ARID3A: variants seen among roughly 807,000 people sequenced by gnomAD.
ARID3A encodes AT-rich interaction domain 3A.
Under a neutral mutation model 52.7 loss-of-function variants are expected in ARID3A, and 11 were observed. That is an observed-to-expected ratio of 0.21 (90% CI 0.13 to 0.35). ARID3A has a LOEUF of 0.35. Among genes scored for constraint, ARID3A ranks in the 10% least tolerant of loss-of-function variants. The pLI is 1.00. For synonymous variants in ARID3A, 404 were observed against 359.4 expected, an observed-to-expected ratio of 1.12 and a Z score of -1.40; for missense variants, 721 against 838.5, an observed-to-expected ratio of 0.86 and a Z score of 1.73.
At chr19:931,584 G>A (rs963623882) in intron 2 of ARID3A, among the ~76,000 whole-genome samples, 3 of 152,210 alleles carry the variant, frequency 2.0e-5, no homozygotes, top group Admixed American at 6.5e-5. Flanking sequence ...AGGCCGAGGT[G>A]GGCGGATCAC....
At chr19:935,981 A>G (rs34530434) in intron 3 of ARID3A, among the ~76,000 whole-genome samples, 14,557 of 149,654 alleles carry the variant, frequency 0.097, 801 homozygotes, top group African/African-American at 0.15. Context: ...TAGTAGAGAC[A>G]AGGTTTCACC....
At chr19:939,485 G>T (rs943803619) in intron 3 of ARID3A, among the ~76,000 whole-genome samples, 2 of 152,104 alleles carry the variant, frequency 1.3e-5, no homozygotes, top group Non-Finnish European at 1.5e-5. Flanking sequence ...AAAATGGAAC[G>T]TTTACAGGGA....
Position 941,737 on chromosome 19 carries a change from C to G in ARID3A, c.693+8995C>G, listed in dbSNP as rs2037558977. ...AAAGTGCTGGGATTACAGGCGTGAG[C>G]TGCTGTGCCGGACTGGTCTCTTGTG... On this transcript the variant is annotated intron_variant, in intron 3 of 8. Coordinates refer to ENST00000263620, the MANE Select transcript of ARID3A (RefSeq NM_005224.3). This position sits in a 1 kb window ranked among gnomAD's most constrained non-coding sequence, Gnocchi z 6.9. 6.6e-6 allele frequency among the ~76,000 whole-genome samples: 1 copy of G among 152,020 alleles called. No homozygotes were observed. The highest frequency in any genetic ancestry group is 1.5e-5 in the Non-Finnish European group (1 of 68,012).
Position 966,597 on chromosome 19 carries a change from A to C in ARID3A, c.1224A>C (p.Thr408=). 6.4e-7 allele frequency: 1 copy of C among 1,571,656 alleles called. No homozygotes were observed. The highest frequency in any genetic ancestry group is 1.8e-5 in the Admixed American group (1 of 55,440). The change falls in exon 7 of 9, where the codon ACA becomes ACC. Residue 408 remains threonine (T), a synonymous_variant. Coordinates refer to ENST00000263620, the MANE Select transcript of ARID3A (RefSeq NM_005224.3). Reference sequence around the variant, plus strand: ...AGGAGGACTCAGCCATCCCCATCACAGTCCCTGGCCGCCTGCCTGTGTCCC... The same window carrying C: ...AGGAGGACTCAGCCATCCCCATCACCGTCCCTGGCCGCCTGCCTGTGTCCC... ...KKEEDSAIPI[T]VPGRLPVSLA...
intron 3 of ARID3A, among the ~76,000 whole-genome samples, chr19:954,440 T>C (rs2037872405): frequency 6.6e-6 from 1 of 152,242 alleles, no homozygotes; most frequent in Non-Finnish European, 1.5e-5. Context: ...CCGCATTTTC[T>C]TGGCATCGCA....
At position 942,821 on chromosome 19, in the gene ARID3A, C is replaced by A. The variant is rs1015370354; in HGVS notation, c.693+10079C>A. 2.6e-5 allele frequency among the ~76,000 whole-genome samples: 4 copies of A among 152,208 alleles called. No homozygotes were observed. Among genetic ancestry groups the A allele is most frequent in the Non-Finnish European group, 1.5e-5 (1 of 68,036 alleles). ...GGAGAACGTGAGAGCAAGTAAGAACCCGCCTTCCGGGAGGAGCCCCGTCTG... is the reference window on the plus strand; with the variant it reads ...GGAGAACGTGAGAGCAAGTAAGAACACGCCTTCCGGGAGGAGCCCCGTCTG... On this transcript the variant is annotated intron_variant, in intron 3 of 8. Transcript: ENST00000263620. This position sits in a 1 kb window ranked among gnomAD's most constrained non-coding sequence, Gnocchi z 8.1.
At chr19:954,387 G>A (rs1599411274) in intron 3 of ARID3A, among the ~76,000 whole-genome samples, 1 of 152,246 alleles carries the variant, frequency 6.6e-6, no homozygotes, top group East Asian at 1.9e-4. Context: ...ACAGAGGGGA[G>A]GGGACCCCCT....
In ARID3A at chr19:932,761, C is replaced by A. The variant is rs560858374; in HGVS notation, c.693+19C>A. Reference sequence around the variant, plus strand: ...TAAGCAGGTGAGTGGGCGCGTCCCGCGTGGCGGCTGAGGCACCTGCTCCTG... The same window carrying A: ...TAAGCAGGTGAGTGGGCGCGTCCCGAGTGGCGGCTGAGGCACCTGCTCCTG... On this transcript the variant is annotated intron_variant, in intron 3 of 8. Transcript: ENST00000263620. 1.3e-6 allele frequency: 2 copies of A among 1,546,106 alleles called. No individual in the cohort carries two copies. Among genetic ancestry groups the A allele is most frequent in the African/African-American group, 2.7e-5 (2 of 72,740 alleles).
chr19:945,671 G>A (rs1411754305), intron 3 of ARID3A, among the ~76,000 whole-genome samples: 1 of 152,184 alleles, frequency 6.6e-6, no homozygotes, highest in African/African-American at 2.4e-5. Flanking sequence ...AGGGTGGGAG[G>A]TGGAAGCAGC....
chr19:937,551 G>A (rs2037461797), intron 3 of ARID3A, among the ~76,000 whole-genome samples: 1 of 152,030 alleles, frequency 6.6e-6, no homozygotes, highest in African/African-American at 2.4e-5. Context: ...TGTGTATCTG[G>A]GAGAATTGCT....
chr19:950,437 G>A (rs886386595), intron 3 of ARID3A, among the ~76,000 whole-genome samples: 16 of 152,148 alleles, frequency 1.1e-4, no homozygotes, highest in Admixed American at 1.0e-3. Flanking sequence ...GCCTGAGCCC[G>A]GGAAGGTGCT....
rs1321221856 is a variant in ARID3A at position 966,639 on chromosome 19, G to C, written c.1266G>C (p.Val422=). The change falls in exon 7 of 9, where the codon GTG becomes GTC. Residue 422 remains valine, a synonymous_variant. Coordinates refer to ENST00000263620, the MANE Select transcript of ARID3A (RefSeq NM_005224.3). ...CTGTGTCCCTGGCGGGCCACCCTGTGGTGGCAGCCCAGGCAGCAGCTGTGC... is the reference window on the plus strand; with the variant it reads ...CTGTGTCCCTGGCGGGCCACCCTGTCGTGGCAGCCCAGGCAGCAGCTGTGC... ...RLPVSLAGHP[V]VAAQAAAVQA... 2.5e-6 allele frequency: 4 copies of C among 1,603,216 alleles called. No individual in the cohort carries two copies. Among genetic ancestry groups the C allele is most frequent in the African/African-American group, 2.7e-5 (2 of 74,742 alleles).
In ARID3A at chr19:929,251, T is replaced by A; in HGVS notation, c.-267-11T>A. On this transcript the variant is annotated splice_polypyrimidine_tract_variant and intron_variant, in intron 1 of 8. Transcript: ENST00000263620. This position sits in a 1 kb window ranked among gnomAD's most constrained non-coding sequence, Gnocchi z 6.2. Reference sequence around the variant, plus strand: ...CAGGCCTGCTCTGACTGTGCCTTTTTTCCCCCTCAGGTTTCTGCAAATGCG... The same window carrying A: ...CAGGCCTGCTCTGACTGTGCCTTTTATCCCCCTCAGGTTTCTGCAAATGCG... 1 of 230,644 alleles carries A rather than the reference T, an allele frequency of 4.3e-6. No individual in the cohort carries two copies. Among genetic ancestry groups the A allele is most frequent in the East Asian group, 9.2e-5 (1 of 10,904 alleles). The allele number at this position is 230,644 out of a possible 1,614,324, so 14.3% of individuals were successfully genotyped here.
In ARID3A at chr19:928,256, C is replaced by T. The variant is rs2037242088; in HGVS notation, c.-267-1006C>T. 3.3e-5 allele frequency: 5 copies of T among 152,278 alleles called. No homozygotes were observed. In the South Asian group the frequency reaches 6.2e-4, roughly 19 times the overall value. The allele number at this position is 152,278 out of a possible 1,614,324, so 9.4% of individuals were successfully genotyped here. The stretch of plus-strand genomic sequence containing the variant: ...TTCCCTCTGGGGTGTCACTCCAGGC[C>T]TGTTGGGTTCTGCCCGGCCTGTTTT... On this transcript the variant is annotated intron_variant, in intron 1 of 8. Coordinates refer to ENST00000263620, the MANE Select transcript of ARID3A (RefSeq NM_005224.3).
intron 4 of ARID3A, chr19:961,620 T>TTAGAAAGCACG (rs2038043825): frequency 6.6e-6 from 1 of 152,528 alleles, no homozygotes; most frequent in Non-Finnish European, 1.5e-5. Context: ...CTGGGGGTAC[T>TTAGAAAGCACG]TAGAAAGCAC....
chr19:951,885 C>T (rs138262374), intron 3 of ARID3A, among the ~76,000 whole-genome samples: 33 of 152,254 alleles, frequency 2.2e-4, no homozygotes, highest in Middle Eastern at 3.4e-3. Flanking sequence ...CCCAGAATCC[C>T]AGCACTTCGA....
At chr19:930,705 T>G (rs1399802059) in intron 2 of ARID3A, among the ~76,000 whole-genome samples, 1 of 150,484 alleles carries the variant, frequency 6.6e-6, no homozygotes, top group Non-Finnish European at 1.5e-5. Context: ...GAGACGGGGT[T>G]TCACCATGTT....
chr19:933,846 T>TGTGGG (rs1555726111), intron 3 of ARID3A, among the ~76,000 whole-genome samples: 2 of 43,262 alleles, frequency 4.6e-5, no homozygotes, highest in African/African-American at 1.9e-4. Flanking sequence ...GGGGACTCGG[T>TGTGGG]GGGGGGGGGG....
At chr19:954,900 GC>G (rs1031183434) in intron 3 of ARID3A, among the ~76,000 whole-genome samples, 1 of 152,342 alleles carries the variant, frequency 6.6e-6, no homozygotes, top group African/African-American at 2.4e-5. Context: ...ATCAGAGCAG[GC>G]CCCAGGGAGG....
Sources: allele counts gnomAD v4.1 joint callset (sites outside exome capture counted in the v4.1 genomes callset), GRCh38; gene constraint gnomAD v4.1.1; non-coding constraint Gnocchi (gnomAD v3.1); transcripts MANE v1.5; gene names NCBI Gene and HGNC (gene_info 2026-07-23, HGNC 2026-07-21).